The following ZNF517 variants were observed in gnomAD, a reference collection of about 807,000 sequenced individuals.
ZNF517 encodes the protein zinc finger protein 517.
Under a neutral mutation model 12.1 loss-of-function variants are expected in ZNF517, and 12 were observed. The observed-to-expected ratio is 0.99, with a 90% CI of 0.63 to 1.61. The LOEUF is 1.61. Among genes scored for constraint, ZNF517 ranks in the 40% most tolerant of loss-of-function variants. The probability of loss-of-function intolerance (pLI) is 0.00; values close to 1 mark genes in which losing one functional copy is unlikely to be tolerated. For missense variants in ZNF517, 781 were observed against 693.2 expected (o/e 1.13, Z -1.42); for synonymous variants, 388 against 310.2 (o/e 1.25, Z -2.63).
chr8:144,807,333 C>A lies in ZNF517; in HGVS notation c.417C>A (p.Gly139=). 1 of 1,551,074 alleles carries A rather than the reference C, an allele frequency of 6.4e-7. No individual in the cohort carries two copies. Among genetic ancestry groups the A allele is most frequent in the Non-Finnish European group, 8.7e-7 (1 of 1,146,442 alleles). Reference sequence around the variant, plus strand: ...ACCCTGCACCACCCCACCCGCATGGCGGTCCTGAGGACGGGTCAGATAAAC... The same window carrying A: ...ACCCTGCACCACCCCACCCGCATGGAGGTCCTGAGGACGGGTCAGATAAAC... ...GGHPAPPHPH[G]GPEDGSDKPT... The change falls in exon 5 of 5, where the codon GGC becomes GGA. Residue 139 remains glycine (G), a synonymous_variant. Transcript: ENST00000359971.
intron 3 of ZNF517, 56 bp from the exon 4 acceptor site, chr8:144,804,069 G>T: frequency 6.5e-7 from 1 of 1,540,980 alleles, no homozygotes; most frequent in South Asian, 1.2e-5. Flanking sequence ...CCAGGCACCT[G>T]GGCGTCCCTT....
chr8:144,806,071 C>T (rs1045161038), intron 4 of ZNF517, among the ~76,000 whole-genome samples: 6 of 152,208 alleles, frequency 3.9e-5, no homozygotes, highest in Non-Finnish European at 7.3e-5. Flanking sequence ...CTTGTGCCCT[C>T]GGTCTCTTGC....
Position 144,807,367 on chromosome 8 carries a change from C to A in ZNF517, c.451C>A (p.Pro151Thr). The change falls in exon 5 of 5, where the codon CCC becomes ACC. Residue 151 changes from proline (P) to threonine (T), a missense_variant. Pro to Thr is a conservative substitution (Grantham distance 38). Coordinates refer to ENST00000359971, the MANE Select transcript of ZNF517 (RefSeq NM_213605.3). ...PEDGSDKPTH[P>T]RAREHSASPR... ...GGACGGGTCAGATAAACCCACCCACCCCCGGGCTCGGGAGCACAGCGCCTC... is the reference window on the plus strand; with the variant it reads ...GGACGGGTCAGATAAACCCACCCACACCCGGGCTCGGGAGCACAGCGCCTC... 4 of 1,555,228 alleles carry A rather than the reference C, an allele frequency of 2.6e-6. No homozygotes were observed. Among genetic ancestry groups the A allele is most frequent in the Non-Finnish European group, 3.5e-6 (4 of 1,149,264 alleles).
rs1190244809 is a variant in ZNF517, at chr8:144,808,322, A to G, written c.1406A>G (p.Gln469Arg). The G allele has an allele frequency of 6.6e-7, 1 of 1,515,028 alleles. No homozygotes were observed. Among genetic ancestry groups the G allele is most frequent in the Admixed American group, 2.1e-5 (1 of 47,466 alleles). 93.8% of individuals were successfully genotyped at this position (1,515,028 alleles called of 1,614,324 possible). Reference sequence around the variant, plus strand: ...TGCAGCCGGCTGTCCACCCTCATCCAGCACCAGAAGGTGCACGGCCGCGAG... The same window carrying G: ...TGCAGCCGGCTGTCCACCCTCATCCGGCACCAGAAGGTGCACGGCCGCGAG... ...RACSRLSTLI[Q>R]HQKVHGREPG... Residue 469 changes from glutamine to arginine, a missense_variant, in exon 5 of 5, where the codon CAG (glutamine) becomes CGG (arginine). Transcript: ENST00000359971.
downstream of ZNF517, among the ~76,000 whole-genome samples, chr8:144,813,302 C>G (rs553247358): frequency 3.2e-4 from 42 of 132,488 alleles, no homozygotes; most frequent in Non-Finnish European, 6.3e-4. Context: ...GATGACAGAG[C>G]CGGACTCTGT....
chr8:144,810,701 CTT>C (rs1174497067), downstream of ZNF517: 1 of 159,616 alleles, frequency 6.3e-6, no homozygotes, highest in South Asian at 2.0e-4. Context: ...CTCTCTGAGT[CTT>C]TGTCCTGTGC....
chr8:144,800,740 C>G (rs1380213910), intron 1 of ZNF517: 1 of 973,884 alleles, frequency 1.0e-6, no homozygotes, highest in Non-Finnish European at 1.2e-6. Flanking sequence ...CTGATCCACC[C>G]CCATCGCCCT....
Position 144,807,370 on chromosome 8 carries a change from C to T in ZNF517, c.454C>T (p.Arg152Trp). ...EDGSDKPTHPRAREHSASPRV... is the reference protein window; with the variant it reads ...EDGSDKPTHPWAREHSASPRV... Reference sequence around the variant, plus strand: ...CGGGTCAGATAAACCCACCCACCCCCGGGCTCGGGAGCACAGCGCCTCCCC... The same window carrying T: ...CGGGTCAGATAAACCCACCCACCCCTGGGCTCGGGAGCACAGCGCCTCCCC... Residue 152 changes from arginine (R) to tryptophan (W), a missense_variant, in exon 5 of 5, where the codon CGG becomes TGG. Coordinates refer to ENST00000359971, the MANE Select transcript of ZNF517 (RefSeq NM_213605.3). 6.4e-7 allele frequency: 1 copy of T among 1,555,354 alleles called. No individual in the cohort carries two copies. Among genetic ancestry groups the T allele is most frequent in the Non-Finnish European group, 8.7e-7 (1 of 1,149,314 alleles).
chr8:144,811,915 C>A (rs375889816), downstream of ZNF517, among the ~76,000 whole-genome samples: 70 of 59,748 alleles, frequency 1.2e-3, no homozygotes, highest in Admixed American at 4.2e-3. Context: ...CAGACTGCAG[C>A]CTGGAAGCAA....
chr8:144,804,077 C>T (rs1337810229), intron 3 of ZNF517, 48 bp from the exon 4 acceptor site: 4 of 1,574,792 alleles, frequency 2.5e-6, no homozygotes, highest in Admixed American at 1.7e-5. Flanking sequence ...CTGGGCGTCC[C>T]TTCTCCCTCC....
downstream of ZNF517, among the ~76,000 whole-genome samples, chr8:144,813,315 C>CA (rs55851018): frequency 4.0e-3 from 419 of 103,760 alleles, 7 homozygotes; most frequent in East Asian, 0.02. Context: ...GACTCTGTCT[C>CA]AAAAAAAAAA....
rs190146381 is a variant in ZNF517 at position 144,806,748 on chromosome 8, G to A, written c.275-443G>A. Among the ~76,000 whole-genome samples the A allele has an allele frequency of 2.8e-3, 430 of 152,214 alleles. 4 individuals carry two copies. Among genetic ancestry groups the A allele is most frequent in the East Asian group, 0.014 (72 of 5,162 alleles). On this transcript the variant is annotated intron_variant, in intron 4 of 4. Transcript: ENST00000359971. ...GATCGGCCCACCTCGGCCTCCCAAA[G>A]TGCTGAGATTAGAGGCGTGAGCCAC...
chr8:144,800,803 T>G (rs1056820814), intron 1 of ZNF517: 1 of 591,432 alleles, frequency 1.7e-6, no homozygotes, highest in African/African-American at 2.0e-5. Context: ...CTTCATAGCA[T>G]TGTGACCAAG....
rs773648300 is a variant in ZNF517, at chr8:144,807,786, G to A, written c.870G>A (p.Ala290=). ...TCCACACCGGGGAGAAGCCCTTCGC[G>A]TGCACAGAGTGCGGCAAGGCGTTCT... ...QKFHTGEKPF[A]CTECGKAFCR... Residue 290 remains alanine (A), a synonymous_variant, in exon 5 of 5, where the codon GCG becomes GCA. Coordinates refer to ENST00000359971, the MANE Select transcript of ZNF517 (RefSeq NM_213605.3). 1.2e-5 allele frequency: 20 copies of A among 1,611,844 alleles called. No homozygotes were observed. The highest frequency in any genetic ancestry group is 1.6e-5 in the Non-Finnish European group (19 of 1,179,426).
chr8:144,807,296 C>G lies in ZNF517; in HGVS notation c.380C>G (p.Pro127Arg), dbSNP rs371695082. The change falls in exon 5 of 5, where the codon CCT (proline) becomes CGT (arginine). Residue 127 changes from proline to arginine, a missense_variant. Transcript: ENST00000359971. Reference sequence around the variant, plus strand: ...TGGGGGTGCCTCCCCTGGGGGCACCCTGTGGGGGGGCACCCTGCACCACCC... The same window carrying G: ...TGGGGGTGCCTCCCCTGGGGGCACCGTGTGGGGGGGCACCCTGCACCACCC... Reference protein sequence around the residue: ...TVWGCLPWGHPVGGHPAPPHP... With the variant: ...TVWGCLPWGHRVGGHPAPPHP... The G allele has an allele frequency of 2.6e-6, 4 of 1,554,076 alleles. No individual in the cohort carries two copies. Among genetic ancestry groups the G allele is most frequent in the African/African-American group, 2.7e-5 (2 of 73,322 alleles).
In ZNF517 at chr8:144,803,621, A is replaced by G. The variant is rs772688862; in HGVS notation, c.34-20A>G. On this transcript the variant is annotated intron_variant, in intron 2 of 4. Coordinates refer to ENST00000359971, the MANE Select transcript of ZNF517 (RefSeq NM_213605.3). ...TCACCGAGCCCTTGACTGCCTGGAT[A>G]GCAGAGTATGTGGTTGCAGGAGGCG... The G allele has an allele frequency of 2.3e-5, 37 of 1,613,476 alleles. No individual in the cohort carries two copies. The East Asian group carries it at 8.2e-4, about 36-fold the overall frequency.
At chr8:144,800,882 T>A (rs982511462) in intron 1 of ZNF517, among the ~76,000 whole-genome samples, 2 of 152,218 alleles carry the variant, frequency 1.3e-5, no homozygotes, top group African/African-American at 4.8e-5. Flanking sequence ...TCGCCCAGGC[T>A]GGAGTGCAGC....
At chr8:144,802,362 C>T (rs866521416) in intron 1 of ZNF517, among the ~76,000 whole-genome samples, 3 of 152,150 alleles carry the variant, frequency 2.0e-5, no homozygotes, top group African/African-American at 2.4e-5. Context: ...GGCGACAGAG[C>T]GAAACCCCGT....
chr8:144,803,650 G>A lies in ZNF517; in HGVS notation c.43G>A (p.Val15Met). 6.2e-7 allele frequency: 1 copy of A among 1,614,144 alleles called. No homozygotes were observed. Among genetic ancestry groups the A allele is most frequent in the Non-Finnish European group, 8.5e-7 (1 of 1,179,986 alleles). ...GAGTATGTGGTTGCAGGAGGCGGTT[G>A]TGTTCGAGGATGTGGCTGTGTACTT... ...LPMPGPQEAV[V>M]FEDVAVYFTR... The change falls in exon 3 of 5, where the codon GTG becomes ATG. Residue 15 changes from valine (V) to methionine (M), a missense_variant. Transcript: ENST00000359971.
Sources: gnomAD v4.1 joint callset for allele counts (sites outside exome capture counted in the v4.1 genomes callset) on GRCh38, gnomAD v4.1.1 for gene constraint, MANE v1.5 for transcripts, NCBI Gene and HGNC (gene_info 2026-07-23, HGNC 2026-07-21) for gene names.